Variants in NRIP1 observed in about 807,000 individuals in gnomAD.
NRIP1 encodes nuclear receptor interacting protein 1.
A neutral mutation model predicts 75.0 loss-of-function variants in NRIP1; 28 were observed. That is an observed-to-expected ratio of 0.37 (90% CI 0.28 to 0.51). The LOEUF is 0.51. Among genes scored for constraint, NRIP1 ranks in the 20% least tolerant of loss-of-function variants. NRIP1 has a pLI of 0.92. For synonymous variants in NRIP1, 526 were observed against 487.6 expected (o/e 1.08, Z -1.04); for missense variants, 1,435 against 1,343.7 (o/e 1.07, Z -1.06).
At chr21:15,024,843 A>G (rs1260638309) in intron 2 of NRIP1, among the ~76,000 whole-genome samples, 1 of 152,202 alleles carries the variant, frequency 6.6e-6, no homozygotes, top group East Asian at 1.9e-4. Flanking sequence ...AGTTTTAAGT[A>G]TATAATGTAC....
chr21:15,047,819 A>G (rs932603111), intron 1 of NRIP1, among the ~76,000 whole-genome samples: 1 of 152,124 alleles, frequency 6.6e-6, no homozygotes, highest in African/African-American at 2.4e-5. Flanking sequence ...TACATTCACA[A>G]CTTGGTGAAC....
intron 3 of NRIP1, among the ~76,000 whole-genome samples, chr21:14,976,570 T>G (rs1332179795): frequency 2.0e-5 from 3 of 152,182 alleles, no homozygotes; most frequent in African/African-American, 7.2e-5. Context: ...CTATATTGAT[T>G]CTCTAAAATA....
chr21:15,018,250 T>C (rs1413785531), intron 2 of NRIP1, among the ~76,000 whole-genome samples: 3 of 152,198 alleles, frequency 2.0e-5, no homozygotes, highest in Non-Finnish European at 1.5e-5. Context: ...AGCAAGATAC[T>C]ATTCATCTGA....
chr21:14,964,844 A>G lies in NRIP1; in HGVS notation c.3349T>C (p.Ser1117Pro). The change falls in exon 4 of 4, where the codon TCT becomes CCT. Residue 1117 changes from serine (S) to proline (P), a missense_variant. Coordinates refer to ENST00000318948, the MANE Select transcript of NRIP1 (RefSeq NM_003489.4). ...ELLPTAETKA[S>P]FFNLRSPYNS... The stretch of plus-strand genomic sequence containing the variant: ...TAAGGGCTTCTTAAATTAAAGAAAG[A>G]AGCTTTCGTTTCTGCAGTAGGAAGT... 1.2e-6 allele frequency: 2 copies of G among 1,613,552 alleles called. No homozygotes were observed. The highest frequency in any genetic ancestry group is 1.1e-5 in the South Asian group (1 of 91,022).
chr21:14,994,705 T>C (rs906319097), intron 3 of NRIP1, among the ~76,000 whole-genome samples: 1 of 152,192 alleles, frequency 6.6e-6, no homozygotes, highest in Non-Finnish European at 1.5e-5. Context: ...CTTAAAAAAG[T>C]AGACAGCACA....
intron 3 of NRIP1, among the ~76,000 whole-genome samples, chr21:14,998,286 G>A (rs994288008): frequency 2.0e-5 from 3 of 152,150 alleles, no homozygotes; most frequent in East Asian, 1.9e-4. Flanking sequence ...GACATGTACC[G>A]CTGGGACCTA....
intron 3 of NRIP1, among the ~76,000 whole-genome samples, chr21:14,992,063 G>C (rs1192481670): frequency 6.6e-6 from 1 of 152,060 alleles, no homozygotes; most frequent in East Asian, 1.9e-4. Flanking sequence ...CTTTCAGACA[G>C]GTCTCACTCT....
At position 15,064,981 on chromosome 21, in the gene NRIP1, G is replaced by C. The variant is rs1253630379; in HGVS notation, c.-774C>G. The C allele has an allele frequency of 2.0e-5, 3 of 150,578 alleles. No homozygotes were observed. Among genetic ancestry groups the C allele is most frequent in the Non-Finnish European group, 2.9e-5 (2 of 68,220 alleles). 9.3% of individuals were successfully genotyped at this position (150,578 alleles called of 1,614,324 possible). On this transcript the variant is annotated 5_prime_UTR_variant, in exon 1 of 4. Coordinates refer to ENST00000318948, the MANE Select transcript of NRIP1 (RefSeq NM_003489.4). ...TCCTCCGCCGCCGCCTCCCGAGTTC[G>C]GGGCTCTGCTGCAATGTCTGCGAGG... is the stretch of plus-strand genomic sequence containing the variant.
intron 3 of NRIP1, among the ~76,000 whole-genome samples, chr21:15,012,397 G>A (rs1212593192): frequency 8.5e-6 from 1 of 117,298 alleles, no homozygotes; most frequent in Non-Finnish European, 1.8e-5. Context: ...TCAGTAATTT[G>A]TTTTTATAAA....
At position 14,967,885 on chromosome 21, in the gene NRIP1, T is replaced by C. The variant is rs2086799707; in HGVS notation, c.308A>G (p.Asp103Gly). The change falls in exon 4 of 4, where the codon GAT becomes GGT. Residue 103 changes from aspartate (D) to glycine (G), a missense_variant. Asp to Gly is a moderately conservative substitution (Grantham distance 94, BLOSUM62 -1). Coordinates refer to ENST00000318948, the MANE Select transcript of NRIP1 (RefSeq NM_003489.4). ...CTTTACGTTTAAATTCATGATAGAA[T>C]CAGACAGCCTCTTCCGCTTTGCTGC... ...WNAAKRKRLS[D>G]SIMNLNVKKE... 3.1e-6 allele frequency: 5 copies of C among 1,614,004 alleles called. No individual in the cohort carries two copies. The highest frequency in any genetic ancestry group is 4.2e-6 in the Non-Finnish European group (5 of 1,180,032).
intron 3 of NRIP1, among the ~76,000 whole-genome samples, chr21:14,984,189 G>A (rs1372028967): frequency 6.6e-6 from 1 of 152,090 alleles, no homozygotes; most frequent in African/African-American, 2.4e-5. Context: ...ATTCATGAGG[G>A]GAGGTCAAAT....
At chr21:15,057,376 G>A (rs554094062) in intron 1 of NRIP1, among the ~76,000 whole-genome samples, 13 of 152,250 alleles carry the variant, frequency 8.5e-5, no homozygotes, top group African/African-American at 3.1e-4. Flanking sequence ...AAATAACACC[G>A]CAGTAATTCT....
In NRIP1 at chr21:14,968,156, G is replaced by T. The variant is rs1469385723; in HGVS notation, c.37C>A (p.Gln13Lys). The T allele has an allele frequency of 6.2e-7, 1 of 1,613,306 alleles. No homozygotes were observed. Among genetic ancestry groups the T allele is most frequent in the Non-Finnish European group, 8.5e-7 (1 of 1,179,660 alleles). ...HGEELGSDVH[Q>K]DSIVLTYLEG... Reference sequence around the variant, plus strand: ...AGGTAAGTTAAAACAATAGAATCCTGGTGCACATCAGAGCCAAGCTCTTCT... The same window carrying T: ...AGGTAAGTTAAAACAATAGAATCCTTGTGCACATCAGAGCCAAGCTCTTCT... Residue 13 changes from glutamine (Q) to lysine (K), a missense_variant, in exon 4 of 4, where the codon CAG (glutamine) becomes AAG (lysine). By Grantham distance (53) the Gln-to-Lys change is moderately conservative (BLOSUM62 1). Coordinates refer to ENST00000318948, the MANE Select transcript of NRIP1 (RefSeq NM_003489.4).
At position 15,049,239 on chromosome 21, in the gene NRIP1, T is replaced by C. The variant is rs571650015; in HGVS notation, c.-537-5665A>G. On this transcript the variant is annotated intron_variant, in intron 1 of 3. Transcript: ENST00000318948. ...ACAGGATGCCAAGTATGTTAAGAGT[T>C]CTTGCTTTCATTTTTTATAACCTAA... 3.9e-5 allele frequency among the ~76,000 whole-genome samples: 6 copies of C among 152,278 alleles called. No homozygotes were observed. The East Asian group carries it at 1.2e-3, about 29-fold the overall frequency.
At chr21:15,018,348 TG>T (rs1200356310) in intron 2 of NRIP1, among the ~76,000 whole-genome samples, 1 of 152,126 alleles carries the variant, frequency 6.6e-6, no homozygotes, top group Non-Finnish European at 1.5e-5. Flanking sequence ...ACAGTTCCCA[TG>T]GGAAAGAGAC....
chr21:14,983,810 C>A (rs977988948), intron 3 of NRIP1, among the ~76,000 whole-genome samples: 7 of 152,170 alleles, frequency 4.6e-5, no homozygotes, highest in Admixed American at 3.3e-4. Flanking sequence ...ATAAATGGAA[C>A]AACAAAGCCT....
rs773162687 is a variant in NRIP1 at position 14,967,214 on chromosome 21, C to G, written c.979G>C (p.Gly327Arg). The G allele has an allele frequency of 3.4e-5, 55 of 1,613,882 alleles. No individual in the cohort carries two copies. Among genetic ancestry groups the G allele is most frequent in the Non-Finnish European group, 4.6e-5 (54 of 1,179,994 alleles). ...LPKGMSSHLN[G>R]QARTSSSKLM... ...TTGCTTGATGATGTTCTTGCCTGAC[C>G]ATTAAGATGGCTTGACATTCCTTTT... The change falls in exon 4 of 4, where the codon GGT (glycine) becomes CGT (arginine). Residue 327 changes from glycine to arginine, a missense_variant. Physicochemically the swap from Gly to Arg is moderately radical, Grantham distance 125. Coordinates refer to ENST00000318948, the MANE Select transcript of NRIP1 (RefSeq NM_003489.4).
chr21:14,965,318 C>T lies in NRIP1; in HGVS notation c.2875G>A (p.Asp959Asn). 6.2e-7 allele frequency: 1 copy of T among 1,613,996 alleles called. No homozygotes were observed. The highest frequency in any genetic ancestry group is 1.1e-5 in the South Asian group (1 of 91,078). Residue 959 changes from aspartate to asparagine, a missense_variant, in exon 4 of 4, where the codon GAC (aspartate) becomes AAC (asparagine). Transcript: ENST00000318948. Reference sequence around the variant, plus strand: ...TTTTTGTGTCCTTTCTTTTTACTGTCAGCCACAGAGTTACTTCTGTGCGGG... The same window carrying T: ...TTTTTGTGTCCTTTCTTTTTACTGTTAGCCACAGAGTTACTTCTGTGCGGG... ...LSPHRSNSVA[D>N]SKKKGHKNNV...
intron 1 of NRIP1, among the ~76,000 whole-genome samples, chr21:15,063,498 G>A (rs1978515687): frequency 6.6e-6 from 1 of 152,112 alleles, no homozygotes; most frequent in Non-Finnish European, 1.5e-5. Context: ...TAATAAGCAG[G>A]TTCAATGCAA....
Sources: gnomAD v4.1 joint callset for allele counts (sites outside exome capture counted in the v4.1 genomes callset) on GRCh38, gnomAD v4.1.1 for gene constraint, MANE v1.5 for transcripts, NCBI Gene and HGNC (gene_info 2026-07-23, HGNC 2026-07-21) for gene names.